Variants in LRMDA observed in about 807,000 individuals in gnomAD.
The protein encoded by LRMDA is leucine-rich melanocyte differentiation-associated protein.
Under a neutral mutation model 29.8 loss-of-function variants are expected in LRMDA, and 18 were observed. The observed-to-expected ratio is 0.60, with a 90% CI of 0.42 to 0.90. The LOEUF (loss-of-function observed/expected upper bound fraction) is 0.90. LRMDA is among the 40% of genes least tolerant of loss of function. The pLI is 0.00. For synonymous variants in LRMDA, 125 were observed against 109.4 expected, an observed-to-expected ratio of 1.14 and a Z score of -0.89; for missense variants, 273 against 273.9, an observed-to-expected ratio of 1.00 and a Z score of 0.02.
intron 3 of LRMDA, among the ~76,000 whole-genome samples, chr10:76,039,995 A>C (rs1006161836): frequency 1.3e-5 from 2 of 152,222 alleles, no homozygotes; most frequent in African/African-American, 4.8e-5. Context: ...ATATTGCCCT[A>C]ATGGCATTCC....
chr10:76,194,398 G>T (rs1292986316), intron 5 of LRMDA, among the ~76,000 whole-genome samples: 1 of 152,144 alleles, frequency 6.6e-6, no homozygotes, highest in Admixed American at 6.5e-5. Context: ...GGATGCCTGG[G>T]CTCTAACACT....
intron 5 of LRMDA, chr10:76,318,650 T>A (rs1481779873): frequency 6.6e-6 from 1 of 152,584 alleles, no homozygotes; most frequent in Admixed American, 6.5e-5. Flanking sequence ...TCTTGGCTTC[T>A]GGCTCTAGAC....
At chr10:75,718,383 G>C (rs558527752) in intron 2 of LRMDA, among the ~76,000 whole-genome samples, 1 of 152,164 alleles carries the variant, frequency 6.6e-6, no homozygotes, top group African/African-American at 2.4e-5. Flanking sequence ...AATATGTGAG[G>C]CCTCAAGGAA....
intron 5 of LRMDA, among the ~76,000 whole-genome samples, chr10:76,161,768 T>C (rs1198403186): frequency 6.6e-6 from 1 of 152,136 alleles, no homozygotes; most frequent in Non-Finnish European, 1.5e-5. Context: ...AAGATAGACC[T>C]AGATGTGGTG....
At position 76,378,071 on chromosome 10, in the gene LRMDA, T is replaced by C. The variant is rs189589179; in HGVS notation, c.601+53586T>C. On this transcript the variant is annotated intron_variant, in intron 6 of 6. Coordinates refer to ENST00000611255, the MANE Select transcript of LRMDA (RefSeq NM_001305581.2). The stretch of plus-strand genomic sequence containing the variant: ...CATCTGTGATTTTTTTCATCAGTGT[T>C]TTGTAGTTCTTTTTGTTAGAGATCT... Among the ~76,000 whole-genome samples, 273 of 152,308 alleles carry C rather than the reference T, an allele frequency of 1.8e-3. 1 individual carries two copies. Among genetic ancestry groups the C allele is most frequent in the African/African-American group, 6.4e-3 (266 of 41,578 alleles).
chr10:76,309,246 C>A (rs147108367), intron 5 of LRMDA, among the ~76,000 whole-genome samples: 189 of 152,254 alleles, frequency 1.2e-3, no homozygotes, highest in Admixed American at 1.9e-3. Flanking sequence ...ACCTCTGATG[C>A]TGACAGCAGG....
intron 6 of LRMDA, among the ~76,000 whole-genome samples, chr10:76,366,779 C>G (rs1351103416): frequency 1.3e-5 from 2 of 152,144 alleles, no homozygotes; most frequent in African/African-American, 4.8e-5. Flanking sequence ...GCTAGGACTT[C>G]CAGTACTATG....
At chr10:76,046,383 A>C (rs990059734) in intron 3 of LRMDA, among the ~76,000 whole-genome samples, 15 of 152,176 alleles carry the variant, frequency 9.9e-5, no homozygotes, top group African/African-American at 3.4e-4. Flanking sequence ...CTCCCCCATC[A>C]TGCCCCCCTC....
intron 2 of LRMDA, among the ~76,000 whole-genome samples, chr10:75,442,612 A>G (rs1358425835): frequency 1.3e-5 from 2 of 152,146 alleles, no homozygotes; most frequent in African/African-American, 4.8e-5. Context: ...GTTGGTCTAT[A>G]TGTCTGTTTT....
At chr10:75,894,983 G>T (rs961522423) in intron 2 of LRMDA, among the ~76,000 whole-genome samples, 1 of 152,066 alleles carries the variant, frequency 6.6e-6, no homozygotes, top group South Asian at 2.1e-4. Context: ...CCCAAATCAT[G>T]TGGTTTCCTG....
chr10:76,328,451 C>T (rs1342990591), intron 6 of LRMDA, among the ~76,000 whole-genome samples: 6 of 152,172 alleles, frequency 3.9e-5, no homozygotes, highest in Non-Finnish European at 7.3e-5. Context: ...CAGAGGGAGA[C>T]ATCAAGAATT....
chr10:75,530,898 A>G (rs1327356411), intron 2 of LRMDA, among the ~76,000 whole-genome samples: 1 of 152,196 alleles, frequency 6.6e-6, no homozygotes, highest in African/African-American at 2.4e-5. Flanking sequence ...TCTGTTGTCT[A>G]TAGTTCCGGC....
intron 2 of LRMDA, among the ~76,000 whole-genome samples, chr10:75,750,126 C>T (rs1264930126): frequency 2.0e-5 from 3 of 152,244 alleles, no homozygotes; most frequent in African/African-American, 7.2e-5. Flanking sequence ...ATGGCCTGTT[C>T]TCAATGAGCT....
At chr10:75,633,328 G>A (rs528312908) in intron 2 of LRMDA, among the ~76,000 whole-genome samples, 3 of 152,190 alleles carry the variant, frequency 2.0e-5, no homozygotes, top group South Asian at 2.1e-4. Context: ...GTAACCCATT[G>A]TGTAAGTGAA....
intron 2 of LRMDA, among the ~76,000 whole-genome samples, chr10:75,973,294 A>C (rs2132441073): frequency 6.6e-6 from 1 of 152,340 alleles, no homozygotes; most frequent in Middle Eastern, 3.4e-3. Context: ...ACTATGTGAC[A>C]CTGTTGCCTC....
rs1424578846 is a variant in LRMDA at position 75,431,635 on chromosome 10, G to T, written c.-90G>T. On this transcript the variant is annotated 5_prime_UTR_variant, in exon 1 of 7. Transcript: ENST00000611255. The stretch of plus-strand genomic sequence containing the variant: ...TCAGCTGACTGCCCAGTGCGGAACT[G>T]TGCGCCCGCCGCGCTCCCCTGCCGC... 3.5e-6 allele frequency: 4 copies of T among 1,146,742 alleles called. No individual in the cohort carries two copies. In the South Asian group the frequency reaches 1.6e-4, roughly 47 times the overall value. 71.0% of individuals were successfully genotyped at this position (1,146,742 alleles called of 1,614,324 possible).
intron 6 of LRMDA, among the ~76,000 whole-genome samples, chr10:76,548,474 C>G (rs916289809): frequency 2.0e-5 from 3 of 150,892 alleles, no homozygotes; most frequent in Non-Finnish European, 4.4e-5. Context: ...AAAATGTAAC[C>G]TGAGGCTAAA....
intron 2 of LRMDA, among the ~76,000 whole-genome samples, chr10:76,008,602 C>A (rs1847716475): frequency 6.6e-6 from 1 of 152,250 alleles, no homozygotes; most frequent in African/African-American, 2.4e-5. Flanking sequence ...CCAGTGCCAA[C>A]CTGCCTCCCA....
At chr10:75,442,369 G>A (rs1474269325) in intron 2 of LRMDA, among the ~76,000 whole-genome samples, 1 of 152,194 alleles carries the variant, frequency 6.6e-6, no homozygotes. Context: ...TTATGTTTAA[G>A]TTCTTGATCT....
Sources: gnomAD v4.1 joint callset for allele counts (sites outside exome capture counted in the v4.1 genomes callset) on GRCh38, gnomAD v4.1.1 for gene constraint, MANE v1.5 for transcripts, NCBI Gene and HGNC (gene_info 2026-07-23, HGNC 2026-07-21) for gene names.